CCDC39: variants seen among roughly 807,000 people sequenced by gnomAD.
CCDC39 encodes coiled-coil domain-containing protein 39.
A neutral mutation model predicts 121.0 loss-of-function variants in CCDC39; 113 were observed. The observed-to-expected ratio is 0.93, with a 90% confidence interval of 0.80 to 1.09. CCDC39 has a LOEUF of 1.09. Among genes scored for constraint, CCDC39 ranks in the 50% least tolerant of loss-of-function variants. The pLI is 0.00. For missense variants in CCDC39, 1,063 were observed against 1,074.7 expected (o/e 0.99, Z 0.15); for synonymous variants, 349 against 352.2 (o/e 0.99, Z 0.10).
chr3:180,623,936 G>A (rs1240217367), intron 14 of CCDC39, among the ~76,000 whole-genome samples: 1 of 151,988 alleles, frequency 6.6e-6, no homozygotes, highest in Admixed American at 6.6e-5. Context: ...GTAGATGTCT[G>A]TTAACGTCCA....
chr3:180,659,778 T>C lies in CCDC39; in HGVS notation c.517-9A>G. On this transcript the variant is annotated splice_polypyrimidine_tract_variant and intron_variant, in intron 4 of 19. Coordinates refer to ENST00000476379, the MANE Select transcript of CCDC39 (RefSeq NM_181426.2). ...AATTGCAGAGTCAGTGCCTATGATGTAATTATATACAGATACTTATAATTC... is the reference window on the plus strand; with the variant it reads ...AATTGCAGAGTCAGTGCCTATGATGCAATTATATACAGATACTTATAATTC... 1 of 1,558,998 alleles carries C rather than the reference T, an allele frequency of 6.4e-7. No individual in the cohort carries two copies. Among genetic ancestry groups the C allele is most frequent in the Non-Finnish European group, 8.8e-7 (1 of 1,134,100 alleles).
At chr3:180,676,750 A>C (rs1223189752) in intron 1 of CCDC39, among the ~76,000 whole-genome samples, 2 of 152,222 alleles carry the variant, frequency 1.3e-5, no homozygotes, top group Admixed American at 6.5e-5. Flanking sequence ...CCAAATGTCC[A>C]ACAATGATAG....
At chr3:180,675,600 T>C (rs1355035885) in intron 1 of CCDC39, among the ~76,000 whole-genome samples, 1 of 152,204 alleles carries the variant, frequency 6.6e-6, no homozygotes, top group Non-Finnish European at 1.5e-5. Flanking sequence ...TCTTTCCTGC[T>C]TTCTCTTGTG....
In CCDC39 at chr3:180,677,197, T is replaced by TAC. The variant is rs1181561190; in HGVS notation, c.90+2093_90+2094insGT. On this transcript the variant is annotated intron_variant, in intron 1 of 19. Transcript: ENST00000476379. ...ATATATATATATATATATATATATA[T>TAC]ATATATATATATATATATAAAATCA... Among the ~76,000 whole-genome samples the TAC allele has an allele frequency of 5.8e-5, 6 of 103,536 alleles. 1 individual carries two copies. Among genetic ancestry groups the TAC allele is most frequent in the South Asian group, 3.2e-4 (1 of 3,170 alleles). 67.9% of individuals were successfully genotyped at this position (103,536 alleles called of 152,430 possible). A position where few individuals can be genotyped will look rare whatever the true frequency, so the allele number is the denominator to read the frequency against.
At chr3:180,650,240 A>C (rs560324124) in intron 9 of CCDC39, among the ~76,000 whole-genome samples, 1 of 152,290 alleles carries the variant, frequency 6.6e-6, no homozygotes, top group Non-Finnish European at 1.5e-5. Context: ...TCAACATGCC[A>C]AAAAAGACTG....
chr3:180,677,430 T>C (rs1204646848), intron 1 of CCDC39, among the ~76,000 whole-genome samples: 1 of 151,260 alleles, frequency 6.6e-6, no homozygotes, highest in Admixed American at 6.6e-5. Context: ...CTTGATAATA[T>C]TAAAAATGAT....
intron 14 of CCDC39, among the ~76,000 whole-genome samples, chr3:180,621,387 AT>A (rs1350006709): frequency 6.6e-6 from 1 of 152,142 alleles, no homozygotes; most frequent in African/African-American, 2.4e-5. Flanking sequence ...CCAACAGTGT[AT>A]AACCATTCAT....
rs1314815306 is a variant in CCDC39 at position 180,644,161 on chromosome 3, T to C, written c.1624A>G (p.Arg542Gly). The change falls in exon 12 of 20, where the codon AGA becomes GGA. Residue 542 changes from arginine to glycine, a missense_variant. Transcript: ENST00000476379. ...KINELNLFID[R>G]SEKELDKAKG... is the part of the protein sequence containing the mutation. ...GCTTTATCAAGTTCTTTCTCTGATC[T>C]GTCGATGAAAAGGTTTAGTTCATTT... 6.5e-7 allele frequency: 1 copy of C among 1,545,506 alleles called. No homozygotes were observed. The highest frequency in any genetic ancestry group is 1.2e-5 in the South Asian group (1 of 82,664).
Position 180,651,495 on chromosome 3 carries a change from GT to G in CCDC39, c.1072del (p.Thr358GlnfsTer3), listed in dbSNP as rs587778822. ...TTTCTCAGTTATCTCCTTTAATTTT[GT>G]TTGTATTATCTCATTATGATTTTTA... Reference protein sequence around the residue: ...KTKNHNEIIQTKLKEITEKTM... With the variant: ...KTKNHNEIIQXKLKEITEKTM... On this transcript the variant is annotated frameshift_variant, in exon 9 of 20. Transcript: ENST00000476379. LOFTEE classifies it high-confidence loss of function. 14 of 1,539,996 alleles carry G rather than the reference GT, an allele frequency of 9.1e-6. No individual in the cohort carries two copies. The highest frequency in any genetic ancestry group is 4.0e-5 in the Admixed American group (2 of 49,550).
At chr3:180,640,918 G>C (rs1322304426) in intron 13 of CCDC39, among the ~76,000 whole-genome samples, 1 of 151,854 alleles carries the variant, frequency 6.6e-6, no homozygotes, top group Non-Finnish European at 1.5e-5. Context: ...ATACACACAA[G>C]TCATTTTATG....
intron 14 of CCDC39, among the ~76,000 whole-genome samples, chr3:180,626,411 A>C (rs951095391): frequency 3.3e-5 from 5 of 152,068 alleles, no homozygotes; most frequent in Non-Finnish European, 5.9e-5. Context: ...CACTGGCAGA[A>C]TACTCAGATA....
At chr3:180,617,678 G>A in intron 16 of CCDC39, 1 of 394,778 alleles carries the variant, frequency 2.5e-6, no homozygotes, top group Non-Finnish European at 4.5e-6. Flanking sequence ...GAATATTTTT[G>A]TGCAGTTGAA....
At chr3:180,638,043 A>T (rs1479895635) in intron 13 of CCDC39, among the ~76,000 whole-genome samples, 2 of 152,144 alleles carry the variant, frequency 1.3e-5, no homozygotes, top group African/African-American at 4.8e-5. Flanking sequence ...GTTTACCTGT[A>T]TAACAAACCT....
In CCDC39 at chr3:180,660,597, A is replaced by G. The variant is rs1711718101; in HGVS notation, c.489T>C (p.Tyr163=). The change falls in exon 4 of 20, where the codon TAT becomes TAC. Residue 163 remains tyrosine (Y), a synonymous_variant. Coordinates refer to ENST00000476379, the MANE Select transcript of CCDC39 (RefSeq NM_181426.2). ...KDSDALTLQK[Y]AQQDDNKIRA... Reference sequence around the variant, plus strand: ...TGATTTTATTATCATCTTGTTGTGCATACTTCTGGAGAGTGAGAGCATCAC... The same window carrying G: ...TGATTTTATTATCATCTTGTTGTGCGTACTTCTGGAGAGTGAGAGCATCAC... 2.5e-6 allele frequency: 4 copies of G among 1,594,534 alleles called. No individual in the cohort carries two copies. Among genetic ancestry groups the G allele is most frequent in the East Asian group, 4.5e-5 (2 of 44,542 alleles).
intron 7 of CCDC39, among the ~76,000 whole-genome samples, chr3:180,652,825 T>G (rs988963672): frequency 6.6e-6 from 1 of 151,972 alleles, no homozygotes; most frequent in Non-Finnish European, 1.5e-5. Flanking sequence ...GGATACAATA[T>G]CAATATACAA....
chr3:180,655,319 GT>G lies in CCDC39; in HGVS notation c.739-367del, dbSNP rs113079710. Among the ~76,000 whole-genome samples the G allele has an allele frequency of 4.2e-4, 63 of 150,540 alleles. 1 individual carries two copies. Among genetic ancestry groups the G allele is most frequent in the African/African-American group, 1.5e-3 (60 of 41,072 alleles). ...AGTTTTCCAAATATTTTACAGACCGGTTTTTTTTTAGTGTTTTGAAAATAGC... is the reference window on the plus strand; with the variant it reads ...AGTTTTCCAAATATTTTACAGACCGGTTTTTTTTAGTGTTTTGAAAATAGC... On this transcript the variant is annotated intron_variant, in intron 6 of 19. Coordinates refer to ENST00000476379, the MANE Select transcript of CCDC39 (RefSeq NM_181426.2).
Position 180,648,166 on chromosome 3 carries a change from T to C in CCDC39, c.1361A>G (p.Gln454Arg), listed in dbSNP as rs1429537724. ...GATATTCATAAAAGTAACATCTACC[T>C]GGCTGTACATAATTTCTTGCTGCTT... ...TLKQQEIMYSQDFHIQQVERR... is the reference protein window; with the variant it reads ...TLKQQEIMYSRDFHIQQVERR... Residue 454 changes from glutamine to arginine, a missense_variant and splice_region_variant, in exon 10 of 20, where the codon CAG becomes CGG. Gln to Arg is a conservative substitution (Grantham distance 43). Transcript: ENST00000476379. 1 of 1,609,074 alleles carries C rather than the reference T, an allele frequency of 6.2e-7. No individual in the cohort carries two copies. The highest frequency in any genetic ancestry group is 2.2e-5 in the East Asian group (1 of 44,774).
chr3:180,661,775 A>G, intron 3 of CCDC39, 86 bp downstream of exon 3: 1 of 1,269,814 alleles, frequency 7.9e-7, no homozygotes, highest in South Asian at 1.5e-5. Flanking sequence ...TGCCTTTCCC[A>G]TACAAGAAAA....
chr3:180,641,842 T>C (rs1388471975), intron 13 of CCDC39, 151 bp downstream of exon 13: 2 of 457,284 alleles, frequency 4.4e-6, no homozygotes, highest in Non-Finnish European at 7.7e-6. Context: ...CCTAGATTTA[T>C]GGCTATAACA....
Sources: gnomAD v4.1 joint callset for allele counts (sites outside exome capture counted in the v4.1 genomes callset) on GRCh38, gnomAD v4.1.1 for gene constraint, MANE v1.5 for transcripts, NCBI Gene and HGNC (gene_info 2026-07-23, HGNC 2026-07-21) for gene names.